Variants in CPT1A observed in about 807,000 individuals in gnomAD.
The protein encoded by CPT1A is carnitine O-palmitoyltransferase 1, liver isoform.
A neutral mutation model predicts 100.8 loss-of-function variants in CPT1A; 64 were observed. The ratio of observed to expected loss-of-function variants is 0.63; its 90% CI spans 0.52 to 0.78. The LOEUF is 0.78. CPT1A is among the 30% of genes least tolerant of loss of function. CPT1A has a pLI of 0.00. For synonymous variants in CPT1A, 363 were observed against 396.0 expected, an observed-to-expected ratio of 0.92 and a Z score of 0.99; for missense variants, 802 against 1,034.1, an observed-to-expected ratio of 0.78 and a Z score of 3.08.
chr11:68,793,343 A>G lies in CPT1A; in HGVS notation c.939T>C (p.Asn313=). 2 of 1,612,128 alleles carry G rather than the reference A, an allele frequency of 1.2e-6. No individual in the cohort carries two copies. The highest frequency in any genetic ancestry group is 8.5e-7 in the Non-Finnish European group (1 of 1,179,330). The part of the protein sequence containing the change: ...LCSAQWERMF[N]TSRIPGEETD... Reference sequence around the variant, plus strand: ...TCTCCTCTCCTGGGATCCGGGAAGTATTAAACATCCGCTCCCACTGAGCGG... The same window carrying G: ...TCTCCTCTCCTGGGATCCGGGAAGTGTTAAACATCCGCTCCCACTGAGCGG... Residue 313 remains asparagine, a synonymous_variant, in exon 9 of 19, where the codon AAT becomes AAC. Transcript: ENST00000265641.
chr11:68,771,698 A>C (rs1231653104), intron 14 of CPT1A, among the ~76,000 whole-genome samples: 1 of 152,186 alleles, frequency 6.6e-6, no homozygotes, highest in Non-Finnish European at 1.5e-5. Context: ...TGGCCCATTC[A>C]TTCCAGTTCA....
rs190430919 is a variant in CPT1A at position 68,815,254 on chromosome 11, G to A, written c.141+80C>T. 23 of 1,448,386 alleles carry A rather than the reference G, an allele frequency of 1.6e-5. No homozygotes were observed. The Admixed American group carries it at 2.0e-4, about 13-fold the overall frequency. The allele number at this position is 1,448,386 out of a possible 1,614,324, so 89.7% of individuals were successfully genotyped here. ...ATATGCAGTCGCCAGTCTGAAACAC[G>A]TAGACCTCAATAGCAGCCAGAGCCC... is the stretch of plus-strand genomic sequence containing the variant. On this transcript the variant is annotated intron_variant, in intron 2 of 18. Transcript: ENST00000265641.
At chr11:68,812,077 A>T (rs1329270505) in intron 3 of CPT1A, among the ~76,000 whole-genome samples, 2 of 152,180 alleles carry the variant, frequency 1.3e-5, no homozygotes, top group Non-Finnish European at 2.9e-5. Flanking sequence ...AGTGCAAAGA[A>T]ATGACTACAT....
intron 12 of CPT1A, among the ~76,000 whole-genome samples, chr11:68,776,996 C>T (rs1007760715): frequency 5.3e-5 from 8 of 152,184 alleles, no homozygotes; most frequent in Non-Finnish European, 7.3e-5. Flanking sequence ...GGCGAGGCGG[C>T]GGGGCGGGTG....
rs770000932 is a variant in CPT1A, at chr11:68,799,195, A to G, written c.693+23T>C. 5 of 1,356,224 alleles carry G rather than the reference A, an allele frequency of 3.7e-6. No individual in the cohort carries two copies. In the South Asian group the frequency reaches 5.9e-5, roughly 16 times the overall value. The allele number at this position is 1,356,224 out of a possible 1,614,324, so 84.0% of individuals were successfully genotyped here. ...CTTCATACGGAAAAATTTCATCAAG[A>G]AAAACTGTGTATACAGACTTACGTA... On this transcript the variant is annotated intron_variant, in intron 6 of 18. Transcript: ENST00000265641.
At chr11:68,791,935 C>T (rs1294450551) in intron 9 of CPT1A, among the ~76,000 whole-genome samples, 1 of 152,146 alleles carries the variant, frequency 6.6e-6, no homozygotes, top group Non-Finnish European at 1.5e-5. Flanking sequence ...TGCAAGGATA[C>T]AGCAAAGGCT....
chr11:68,778,859 C>G (rs938383420), intron 12 of CPT1A, among the ~76,000 whole-genome samples: 3 of 151,598 alleles, frequency 2.0e-5, no homozygotes, highest in African/African-American at 7.3e-5. Flanking sequence ...GATCTCGGCT[C>G]ACTGCAAGCT....
At chr11:68,824,460 C>T (rs1209912575) in intron 1 of CPT1A, among the ~76,000 whole-genome samples, 6 of 151,894 alleles carry the variant, frequency 4.0e-5, no homozygotes, top group African/African-American at 1.2e-4. Context: ...CGTGTACCCC[C>T]AAATCTAAAA....
chr11:68,824,728 T>C (rs1210867022), intron 1 of CPT1A, among the ~76,000 whole-genome samples: 1 of 151,926 alleles, frequency 6.6e-6, no homozygotes, highest in Non-Finnish European at 1.5e-5. Context: ...CAGGCAGTGG[T>C]TATTTTTAAA....
At chr11:68,811,839 A>T (rs1159132576) in intron 3 of CPT1A, among the ~76,000 whole-genome samples, 3 of 152,192 alleles carry the variant, frequency 2.0e-5, no homozygotes, top group South Asian at 2.1e-4. Flanking sequence ...GTTAGAAAAA[A>T]AAAATAAAAT....
intron 2 of CPT1A, among the ~76,000 whole-genome samples, chr11:68,813,610 G>A (rs1856285459): frequency 6.6e-6 from 1 of 150,890 alleles, no homozygotes; most frequent in Admixed American, 6.6e-5. Context: ...GATGAGACAG[G>A]AGGATTGCCT....
intron 1 of CPT1A, among the ~76,000 whole-genome samples, chr11:68,837,698 G>A (rs747840497): frequency 7.2e-5 from 11 of 152,162 alleles, no homozygotes; most frequent in South Asian, 4.1e-4. Context: ...TTCGGGCAGG[G>A]CGAGGGGGCT....
chr11:68,757,529 A>T lies in CPT1A; in HGVS notation c.*115T>A, dbSNP rs767472718. 46 of 1,558,832 alleles carry T rather than the reference A, an allele frequency of 3.0e-5. No individual in the cohort carries two copies. The highest frequency in any genetic ancestry group is 3.7e-5 in the Non-Finnish European group (43 of 1,154,626). On this transcript the variant is annotated 3_prime_UTR_variant, in exon 19 of 19. Transcript: ENST00000265641. The stretch of plus-strand genomic sequence containing the variant: ...AACACCCACATTTTCTGGAAGGAAA[A>T]CTGAGTTTTTTTAAGAGCAGTGTTT...
intron 14 of CPT1A, among the ~76,000 whole-genome samples, chr11:68,763,338 G>A (rs918561264): frequency 1.3e-5 from 2 of 151,770 alleles, no homozygotes; most frequent in African/African-American, 4.9e-5. Flanking sequence ...ACACACCTCT[G>A]CTGCATTCCC....
rs543835495 is a variant in CPT1A at position 68,790,306 on chromosome 11, G to T, written c.967+3009C>A. Reference sequence around the variant, plus strand: ...GGCTGCTCTCAAACTCCTGGGCTCAGGTGATCCACCCACCTCAGCCTCCCA... The same window carrying T: ...GGCTGCTCTCAAACTCCTGGGCTCATGTGATCCACCCACCTCAGCCTCCCA... On this transcript the variant is annotated intron_variant, in intron 9 of 18. Coordinates refer to ENST00000265641, the MANE Select transcript of CPT1A (RefSeq NM_001876.4). Among the ~76,000 whole-genome samples the T allele has an allele frequency of 2.4e-4, 36 of 152,010 alleles. No individual in the cohort carries two copies. The South Asian group carries it at 6.7e-3, about 28-fold the overall frequency.
intron 1 of CPT1A, among the ~76,000 whole-genome samples, chr11:68,836,344 G>A (rs1857009507): frequency 6.6e-6 from 1 of 151,828 alleles, no homozygotes; most frequent in Admixed American, 6.6e-5. Flanking sequence ...AGGTGTGGTG[G>A]CATATGCCTG....
chr11:68,762,861 T>C, intron 14 of CPT1A, 100 bp from the exon 15 acceptor site: 3 of 1,480,776 alleles, frequency 2.0e-6, no homozygotes, highest in South Asian at 1.1e-5. Context: ...GTGGACTTCA[T>C]TGTCAACATT....
chr11:68,769,665 C>T (rs1394453647), intron 14 of CPT1A, among the ~76,000 whole-genome samples: 1 of 152,124 alleles, frequency 6.6e-6, no homozygotes, highest in Non-Finnish European at 1.5e-5. Context: ...ACAGGTGACT[C>T]TCAAATGTTA....
chr11:68,815,280 C>T, intron 2 of CPT1A, 54 bp downstream of exon 2: 9 of 1,580,472 alleles, frequency 5.7e-6, no homozygotes, highest in Admixed American at 3.3e-5. Context: ...GCCAGAGCCC[C>T]GTTCTTAGAT....
Sources: allele counts gnomAD v4.1 joint callset (sites outside exome capture counted in the v4.1 genomes callset), GRCh38; gene constraint gnomAD v4.1.1; transcripts MANE v1.5; gene names NCBI Gene and HGNC (gene_info 2026-07-23, HGNC 2026-07-21).